EYS: variants seen among roughly 807,000 people sequenced by gnomAD.
The protein encoded by EYS is EGF-like photoreceptor maintenance factor.
In EYS, 250 loss-of-function variants were observed where a neutral mutation model predicts 282.1. The ratio of observed to expected loss-of-function variants is 0.89; its 90% CI spans 0.80 to 0.98. The LOEUF is 0.98. Among genes scored for constraint, EYS ranks in the 50% least tolerant of loss-of-function variants. EYS has a pLI of 0.00. For missense variants in EYS, 4,016 were observed against 3,709.0 expected, an observed-to-expected ratio of 1.08 and a Z score of -2.15; for synonymous variants, 1,355 against 1,282.9, an observed-to-expected ratio of 1.06 and a Z score of -1.20.
At chr6:65,650,408 T>G (rs975715155) in intron 1 of EYS, among the ~76,000 whole-genome samples, 12 of 152,200 alleles carry the variant, frequency 7.9e-5, no homozygotes, top group Non-Finnish European at 1.5e-4. Context: ...CTATTTAGCA[T>G]GCCAGGCTGG....
intron 36 of EYS, among the ~76,000 whole-genome samples, chr6:63,863,668 C>CTTTTCTTT (rs1772595079): frequency 1.4e-5 from 1 of 69,330 alleles, no homozygotes; most frequent in African/African-American, 4.8e-5. Flanking sequence ...CTTTTCTTTT[C>CTTTTCTTT]TTTTTTCTTT....
intron 41 of EYS, among the ~76,000 whole-genome samples, chr6:63,737,950 G>A (rs1390860583): frequency 6.6e-6 from 1 of 152,124 alleles, no homozygotes; most frequent in Non-Finnish European, 1.5e-5. Context: ...CTTCTCAAAA[G>A]AAGACATTTA....
chr6:64,600,712 C>A (rs531144980), intron 24 of EYS, among the ~76,000 whole-genome samples: 1 of 151,988 alleles, frequency 6.6e-6, no homozygotes, highest in East Asian at 1.9e-4. Flanking sequence ...ACTGAATGGC[C>A]GGGGCTAATA....
Position 63,765,053 on chromosome 6 carries a change from AG to A in EYS, c.7899-2421del, listed in dbSNP as rs1310154558. Among the ~76,000 whole-genome samples, 1,136 of 152,082 alleles carry A rather than the reference AG, an allele frequency of 7.5e-3. 18 individuals are homozygous for A. The highest frequency in any genetic ancestry group is 0.026 in the African/African-American group (1,066 of 41,520). The stretch of plus-strand genomic sequence containing the variant: ...CATATACTACTCTGCCCTGAGGAGG[AG>A]TAGATTTTGTAGAAGTATGTGTGTG... On this transcript the variant is annotated intron_variant, in intron 40 of 42. Transcript: ENST00000503581.
chr6:64,085,890 C>T (rs755749974), intron 31 of EYS, among the ~76,000 whole-genome samples: 8 of 152,172 alleles, frequency 5.3e-5, no homozygotes, highest in Non-Finnish European at 8.8e-5. Flanking sequence ...GTTATTAAGG[C>T]CTTGTTAGCA....
At chr6:65,215,858 T>C (rs1357599511) in intron 12 of EYS, among the ~76,000 whole-genome samples, 1 of 152,214 alleles carries the variant, frequency 6.6e-6, no homozygotes, top group Non-Finnish European at 1.5e-5. Flanking sequence ...GTTCAGATGA[T>C]TGTTAGCATA....
At chr6:65,395,832 T>C (rs962343688) in intron 7 of EYS, among the ~76,000 whole-genome samples, 1 of 151,582 alleles carries the variant, frequency 6.6e-6, no homozygotes, top group Non-Finnish European at 1.5e-5. Context: ...AAATATACAA[T>C]ATTATAACCC....
rs1502966 is a variant in EYS, at chr6:65,330,639, G to T, written c.1766+4341C>A. On this transcript the variant is annotated intron_variant, in intron 11 of 42. Transcript: ENST00000503581. Reference sequence around the variant, plus strand: ...ACACTTTAAAAGAAAATGTTTATACGCTATTCATTAACTTTGTGTCCGTTA... The same window carrying T: ...ACACTTTAAAAGAAAATGTTTATACTCTATTCATTAACTTTGTGTCCGTTA... 4 of 933,066 alleles carry T rather than the reference G, an allele frequency of 4.3e-6. No homozygotes were observed. The African/African-American group carries it at 7.2e-5, about 17-fold the overall frequency. The allele number at this position is 933,066 out of a possible 1,614,324, so 57.8% of individuals were successfully genotyped here. A position where few individuals can be genotyped will look rare whatever the true frequency, so the allele number is the denominator to read the frequency against.
chr6:64,090,984 T>G (rs1772338950), intron 31 of EYS, among the ~76,000 whole-genome samples: 2 of 152,190 alleles, frequency 1.3e-5, no homozygotes, highest in Admixed American at 6.5e-5. Context: ...GGTCCTTCAT[T>G]GGCAGCAAAT....
intron 2 of EYS, among the ~76,000 whole-genome samples, chr6:65,558,298 G>A (rs540609240): frequency 1.7e-4 from 26 of 152,332 alleles, no homozygotes; most frequent in African/African-American, 5.8e-4. Flanking sequence ...GGCAGTAGGG[G>A]TGGTATGTCA....
Position 65,695,994 on chromosome 6 carries a change from T to G in EYS, c.-448+11141A>C, listed in dbSNP as rs532948597. 3.9e-5 allele frequency among the ~76,000 whole-genome samples: 6 copies of G among 152,058 alleles called. No homozygotes were observed. In the East Asian group the frequency reaches 1.2e-3, roughly 29 times the overall value. ...CTAAAGCCGTATGAAATCCCAGAAT[T>G]CAGCTGGGATTAGAGGGAATGATCT... On this transcript the variant is annotated intron_variant, in intron 1 of 42. Transcript: ENST00000503581.
At chr6:65,524,972 T>TC (rs1377586948) in intron 2 of EYS, among the ~76,000 whole-genome samples, 1 of 152,178 alleles carries the variant, frequency 6.6e-6, no homozygotes, top group Non-Finnish European at 1.5e-5. Context: ...TTTAGCCAGG[T>TC]CAACCATGGT....
intron 30 of EYS, among the ~76,000 whole-genome samples, chr6:64,271,415 T>C (rs1263909228): frequency 6.6e-6 from 1 of 152,198 alleles, no homozygotes; most frequent in Non-Finnish European, 1.5e-5. Flanking sequence ...GTGGCTTGTT[T>C]TTCAATATGC....
chr6:64,355,736 G>T (rs564013162), intron 29 of EYS, among the ~76,000 whole-genome samples: 27 of 151,696 alleles, frequency 1.8e-4, no homozygotes, highest in South Asian at 4.1e-4. Context: ...GCACAAGACA[G>T]ATGATATGAA....
intron 26 of EYS, among the ~76,000 whole-genome samples, chr6:64,519,641 A>C (rs1777668612): frequency 6.6e-6 from 1 of 151,798 alleles, no homozygotes; most frequent in Non-Finnish European, 1.5e-5. Flanking sequence ...GGCTATAAAC[A>C]AGTTTTGTGC....
At chr6:63,991,421 A>C (rs1052445706) in intron 34 of EYS, among the ~76,000 whole-genome samples, 1 of 151,708 alleles carries the variant, frequency 6.6e-6, no homozygotes, top group Non-Finnish European at 1.5e-5. Context: ...ATTACCTGAC[A>C]AAAAATTCGA....
At chr6:64,448,051 G>C (rs1775177890) in intron 26 of EYS, among the ~76,000 whole-genome samples, 1 of 152,218 alleles carries the variant, frequency 6.6e-6, no homozygotes, top group Non-Finnish European at 1.5e-5. Flanking sequence ...GCCTAAGCAG[G>C]GCGAGGCATT....
intron 36 of EYS, among the ~76,000 whole-genome samples, chr6:63,808,777 C>T (rs1770968485): frequency 1.3e-5 from 2 of 152,112 alleles, no homozygotes; most frequent in Middle Eastern, 3.2e-3. Flanking sequence ...GTACCTGCAG[C>T]TGTTGAGCAT....
chr6:64,340,030 A>T (rs1235978590), intron 29 of EYS, among the ~76,000 whole-genome samples: 1 of 89,356 alleles, frequency 1.1e-5, no homozygotes, highest in Non-Finnish European at 2.2e-5. Context: ...TATCACTTGT[A>T]CCCCAATAAT....
Sources: gnomAD v4.1 joint callset for allele counts (sites outside exome capture counted in the v4.1 genomes callset) on GRCh38, gnomAD v4.1.1 for gene constraint, MANE v1.5 for transcripts, NCBI Gene and HGNC (gene_info 2026-07-23, HGNC 2026-07-21) for gene names.